The following MALRD1 variants were observed in gnomAD, a reference collection of about 807,000 sequenced individuals.
MALRD1 encodes MAM and LDL receptor class A domain containing 1.
MALRD1 carries 247 observed loss-of-function variants against 242.1 expected under a neutral mutation model. That is an observed-to-expected ratio of 1.02 (90% CI 0.92 to 1.13). The LOEUF (loss-of-function observed/expected upper bound fraction) is 1.13, where lower values mean the gene tolerates loss of function less well. MALRD1 is among the 50% of genes most tolerant of loss of function. MALRD1 has a pLI of 0.00. For missense variants in MALRD1, 2,989 were observed against 2,533.1 expected (o/e 1.18, Z -3.86); for synonymous variants, 995 against 866.6 (o/e 1.15, Z -2.60).
At chr10:19,619,812 T>C (rs1015059012) in intron 36 of MALRD1, among the ~76,000 whole-genome samples, 9 of 152,044 alleles carry the variant, frequency 5.9e-5, no homozygotes, top group African/African-American at 1.9e-4. Context: ...ATCTGACAAA[T>C]GTGACAACTT....
intron 28 of MALRD1, among the ~76,000 whole-genome samples, chr10:19,444,292 C>T (rs1834837478): frequency 6.6e-6 from 1 of 152,170 alleles, no homozygotes; most frequent in African/African-American, 2.4e-5. Context: ...TTAATTGGAA[C>T]ATTGAGCCCA....
chr10:19,273,211 T>C (rs1374454532), intron 19 of MALRD1, among the ~76,000 whole-genome samples: 1 of 152,154 alleles, frequency 6.6e-6, no homozygotes, highest in East Asian at 1.9e-4. Flanking sequence ...ATAATTTCCA[T>C]AATTGGGAAA....
chr10:19,593,581 G>A (rs751033477), intron 33 of MALRD1, among the ~76,000 whole-genome samples: 2 of 152,040 alleles, frequency 1.3e-5, no homozygotes, highest in Non-Finnish European at 2.9e-5. Context: ...ATATATTGAT[G>A]AGTCCCTCGT....
At chr10:19,315,188 A>C (rs796183449) in intron 21 of MALRD1, among the ~76,000 whole-genome samples, 2 of 126,856 alleles carry the variant, frequency 1.6e-5, no homozygotes, top group African/African-American at 3.0e-5. Flanking sequence ...AAATATATAA[A>C]TATAATTTAT....
chr10:19,400,952 G>A (rs1037559459), intron 28 of MALRD1, among the ~76,000 whole-genome samples: 1 of 152,088 alleles, frequency 6.6e-6, no homozygotes, highest in Non-Finnish European at 1.5e-5. Context: ...AAAGGTGGAG[G>A]TTGCAGTGAG....
rs115193427 is a variant in MALRD1, at chr10:19,049,048, G to T, written c.110G>T (p.Ser37Ile). The T allele has an allele frequency of 2.4e-6, 3 of 1,233,788 alleles. No homozygotes were observed. The highest frequency in any genetic ancestry group is 2.0e-6 in the Non-Finnish European group (2 of 988,152). The allele number at this position is 1,233,788 out of a possible 1,614,324, so 76.4% of individuals were successfully genotyped here. A position where few individuals can be genotyped will look rare whatever the true frequency, so the allele number is the denominator to read the frequency against. Residue 37 changes from serine (S) to isoleucine (I), a missense_variant, in exon 1 of 40, where the codon AGC becomes ATC. Coordinates refer to ENST00000454679, the MANE Select transcript of MALRD1 (RefSeq NM_001142308.3). ...ACACTGGCTCAGCAAGGGACAGAAA[G>T]CTTTCAGTGTGACAATGGAGTCTCC... ...NSTLAQQGTE[S>I]FQCDNGVSLP... is the part of the protein sequence containing the mutation.
At chr10:19,585,953 C>T (rs1246806398) in intron 33 of MALRD1, among the ~76,000 whole-genome samples, 1 of 152,082 alleles carries the variant, frequency 6.6e-6, no homozygotes, top group Non-Finnish European at 1.5e-5. Flanking sequence ...CTAAACTTCC[C>T]TTCTCGCTTC....
At chr10:19,506,257 A>G (rs912242413) in intron 31 of MALRD1, among the ~76,000 whole-genome samples, 7 of 152,344 alleles carry the variant, frequency 4.6e-5, no homozygotes, top group Non-Finnish European at 7.4e-5. Flanking sequence ...TGAATAACCA[A>G]GAATCACCAC....
chr10:19,672,814 T>C (rs1020379152), intron 36 of MALRD1, among the ~76,000 whole-genome samples: 2 of 152,158 alleles, frequency 1.3e-5, no homozygotes, highest in African/African-American at 4.8e-5. Context: ...TAAACATTTT[T>C]GAGATAATTC....
At chr10:19,521,815 A>G (rs1461806100) in intron 31 of MALRD1, among the ~76,000 whole-genome samples, 1 of 152,138 alleles carries the variant, frequency 6.6e-6, no homozygotes, top group Non-Finnish European at 1.5e-5. Flanking sequence ...TCCAAGTCAC[A>G]TATTCAAATG....
chr10:19,187,448 GA>G (rs530588157), intron 14 of MALRD1, among the ~76,000 whole-genome samples: 5 of 152,276 alleles, frequency 3.3e-5, no homozygotes, highest in Admixed American at 3.3e-4. Flanking sequence ...TATCTCAAAA[GA>G]AAAGAAAGAG....
chr10:19,597,717 C>T (rs561541900), intron 34 of MALRD1, among the ~76,000 whole-genome samples: 2 of 152,234 alleles, frequency 1.3e-5, no homozygotes, highest in Admixed American at 1.3e-4. Flanking sequence ...GGAGGCTAGT[C>T]AGTGAAAGTG....
rs140806021 is a variant in MALRD1 at position 19,342,540 on chromosome 10, T to C, written c.3902-5231T>C. On this transcript the variant is annotated intron_variant, in intron 24 of 39. Coordinates refer to ENST00000454679, the MANE Select transcript of MALRD1 (RefSeq NM_001142308.3). ...AGTTAGAGAAAGTGCCAAGTACTTT[T>C]GGAGGGGCTAAATGAAGATAATTTA... Among the ~76,000 whole-genome samples the C allele has an allele frequency of 3.4e-3, 521 of 152,240 alleles. 4 individuals are homozygous for C. The highest frequency in any genetic ancestry group is 0.012 in the African/African-American group (503 of 41,556).
Position 19,507,330 on chromosome 10 carries a change from C to A in MALRD1, c.5320+8684C>A, listed in dbSNP as rs148656419. On this transcript the variant is annotated intron_variant, in intron 31 of 39. Transcript: ENST00000454679. The stretch of plus-strand genomic sequence containing the variant: ...GTAGGAGTTCATTAGTCTATTATTT[C>A]CGCTTTGGTATAAATGTAAAAATTT... 1.4e-3 allele frequency among the ~76,000 whole-genome samples: 213 copies of A among 152,084 alleles called. 1 individual carries two copies. The Middle Eastern group carries it at 0.024, about 17-fold the overall frequency.
chr10:19,672,644 G>A (rs573887617), intron 36 of MALRD1, among the ~76,000 whole-genome samples: 24 of 152,002 alleles, frequency 1.6e-4, no homozygotes, highest in Middle Eastern at 6.8e-3. Flanking sequence ...GGCTGAAGTC[G>A]AACTCCTGAC....
intron 31 of MALRD1, among the ~76,000 whole-genome samples, chr10:19,506,395 G>A (rs958792280): frequency 6.6e-6 from 1 of 152,094 alleles, no homozygotes; most frequent in African/African-American, 2.4e-5. Flanking sequence ...AACTGTGACT[G>A]GGTTTATTAT....
chr10:19,481,820 A>C (rs1434265416), intron 29 of MALRD1, among the ~76,000 whole-genome samples: 1 of 152,128 alleles, frequency 6.6e-6, no homozygotes, highest in Non-Finnish European at 1.5e-5. Flanking sequence ...TCAACAATTT[A>C]TATTAACACG....
At chr10:19,107,996 G>A (rs1836528680) in intron 5 of MALRD1, among the ~76,000 whole-genome samples, 1 of 151,982 alleles carries the variant, frequency 6.6e-6, no homozygotes, top group Admixed American at 6.6e-5. Flanking sequence ...TGAATCTAAG[G>A]CAGACTTTGG....
intron 29 of MALRD1, among the ~76,000 whole-genome samples, chr10:19,467,476 T>G (rs1194373699): frequency 1.3e-5 from 2 of 150,372 alleles, no homozygotes; most frequent in Admixed American, 6.6e-5. Flanking sequence ...CTTACCCATA[T>G]TCTCTCATTT....
Sources: gnomAD v4.1 joint callset for allele counts (sites outside exome capture counted in the v4.1 genomes callset) on GRCh38, gnomAD v4.1.1 for gene constraint, MANE v1.5 for transcripts, NCBI Gene and HGNC (gene_info 2026-07-23, HGNC 2026-07-21) for gene names.